Variants in ATP8B4 observed in about 807,000 individuals in gnomAD.
ATP8B4 encodes the protein ATPase phospholipid transporting 8B4 (putative).
A neutral mutation model predicts 145.6 loss-of-function variants in ATP8B4; 133 were observed. The ratio of observed to expected loss-of-function variants is 0.91; its 90% CI spans 0.79 to 1.05. The LOEUF (loss-of-function observed/expected upper bound fraction) is 1.05. Ranked by LOEUF, ATP8B4 falls within the 50% of genes least tolerant of loss-of-function variation. ATP8B4 has a pLI of 0.00. For synonymous variants in ATP8B4, 507 were observed against 492.9 expected (o/e 1.03, Z -0.38); for missense variants, 1,458 against 1,425.2 (o/e 1.02, Z -0.37).
intron 3 of ATP8B4, among the ~76,000 whole-genome samples, chr15:50,062,448 T>C (rs8036963): frequency 0.88 from 133,813 of 152,136 alleles, 59,167 homozygotes; most frequent in East Asian, 0.99. Context: ...CTTGTAGAAC[T>C]GAGCCAATTA....
chr15:50,127,825 A>G (rs1377986489), intron 1 of ATP8B4, among the ~76,000 whole-genome samples: 1 of 152,232 alleles, frequency 6.6e-6, no homozygotes, highest in Non-Finnish European at 1.5e-5. Flanking sequence ...AGGGAGAGGA[A>G]CAAACACCAG....
At chr15:49,950,534 T>C (rs553557395) in intron 14 of ATP8B4, among the ~76,000 whole-genome samples, 3 of 150,508 alleles carry the variant, frequency 2.0e-5, no homozygotes, top group Non-Finnish European at 4.4e-5. Flanking sequence ...ATTGTGTCTG[T>C]TTGATTCTTC....
chr15:49,969,406 G>T (rs1599511125), intron 13 of ATP8B4, among the ~76,000 whole-genome samples: 2 of 151,792 alleles, frequency 1.3e-5, no homozygotes, highest in Admixed American at 1.3e-4. Context: ...AAAGAGAGAA[G>T]AATCAAATAG....
intron 1 of ATP8B4, among the ~76,000 whole-genome samples, chr15:50,148,454 G>T (rs2044306580): frequency 6.6e-6 from 1 of 152,124 alleles, no homozygotes; most frequent in Non-Finnish European, 1.5e-5. Flanking sequence ...CCTTTAAAAG[G>T]GGATTAGGCC....
intron 23 of ATP8B4, among the ~76,000 whole-genome samples, chr15:49,889,774 C>T (rs1386715918): frequency 1.3e-5 from 2 of 152,234 alleles, no homozygotes; most frequent in Non-Finnish European, 2.9e-5. Context: ...AGAAACAGCA[C>T]ATGTCACTTC....
chr15:50,134,648 A>G (rs1433120275), intron 1 of ATP8B4, among the ~76,000 whole-genome samples: 4 of 152,242 alleles, frequency 2.6e-5, no homozygotes, highest in African/African-American at 9.6e-5. Context: ...ATCCTAGTAC[A>G]TGACAATAAT....
chr15:50,115,448 G>A (rs887693705), intron 1 of ATP8B4, among the ~76,000 whole-genome samples: 6 of 152,194 alleles, frequency 3.9e-5, no homozygotes, highest in Admixed American at 6.5e-5. Context: ...AGCCTGCTTT[G>A]CAGAGTCAGC....
At chr15:49,891,581 C>T (rs139516909) in intron 23 of ATP8B4, among the ~76,000 whole-genome samples, 9 of 152,262 alleles carry the variant, frequency 5.9e-5, no homozygotes, top group Non-Finnish European at 2.9e-5. Context: ...CCACCTTGGC[C>T]TCCCAAAGTG....
chr15:50,035,057 C>A (rs2050736284), intron 6 of ATP8B4, among the ~76,000 whole-genome samples: 1 of 152,102 alleles, frequency 6.6e-6, no homozygotes, highest in Non-Finnish European at 1.5e-5. Context: ...TTACCAAAAG[C>A]TAATACAACA....
intron 25 of ATP8B4, among the ~76,000 whole-genome samples, chr15:49,875,059 G>A (rs890939950): frequency 6.6e-6 from 1 of 152,080 alleles, no homozygotes; most frequent in South Asian, 2.1e-4. Flanking sequence ...AAAATTGTAG[G>A]GTTAATTGTG....
rs575659879 is a variant in ATP8B4 at position 49,866,504 on chromosome 15, C to T, written c.3028-20G>A. ...GGCTATCTGTAAATAAAATCAAATG[C>T]AAACGGGAGGTCTTTGAGGATTAAA... On this transcript the variant is annotated intron_variant, in intron 25 of 27. Transcript: ENST00000284509. 6.2e-7 allele frequency: 1 copy of T among 1,611,634 alleles called. No homozygotes were observed. Among genetic ancestry groups the T allele is most frequent in the South Asian group, 1.1e-5 (1 of 91,018 alleles).
intron 24 of ATP8B4, among the ~76,000 whole-genome samples, chr15:49,878,524 T>G (rs2034857448): frequency 6.6e-6 from 1 of 152,192 alleles, no homozygotes; most frequent in East Asian, 1.9e-4. Context: ...TAAAAATACT[T>G]TTTTAAAAAA....
At chr15:49,873,335 A>G (rs1039420424) in intron 25 of ATP8B4, among the ~76,000 whole-genome samples, 1 of 152,230 alleles carries the variant, frequency 6.6e-6, no homozygotes, top group Non-Finnish European at 1.5e-5. Flanking sequence ...ATTATGTACT[A>G]CATGAAACTT....
At chr15:50,073,019 T>TATATATACACAC (rs1455088682) in intron 3 of ATP8B4, among the ~76,000 whole-genome samples, 18 of 32,434 alleles carry the variant, frequency 5.5e-4, no homozygotes, top group South Asian at 1.4e-3. Flanking sequence ...TATATATATA[T>TATATATACACAC]ACACACACAC....
intron 1 of ATP8B4, among the ~76,000 whole-genome samples, chr15:50,180,953 A>C (rs902854471): frequency 7.2e-5 from 11 of 152,166 alleles, no homozygotes; most frequent in Non-Finnish European, 1.2e-4. Flanking sequence ...AAACCTAGAG[A>C]ATAGGAGGAC....
At chr15:50,117,512 AT>A (rs1182303657) in intron 1 of ATP8B4, among the ~76,000 whole-genome samples, 1 of 152,242 alleles carries the variant, frequency 6.6e-6, no homozygotes, top group Non-Finnish European at 1.5e-5. Flanking sequence ...CACAAAAAAA[AT>A]CATTTGTTCC....
chr15:49,965,259 A>G (rs2044421940), intron 13 of ATP8B4, among the ~76,000 whole-genome samples: 1 of 152,380 alleles, frequency 6.6e-6, no homozygotes, highest in Admixed American at 6.5e-5. Context: ...AGGAGATTGC[A>G]AACATCAACT....
chr15:50,124,584 C>A (rs183521206), intron 1 of ATP8B4, among the ~76,000 whole-genome samples: 1 of 151,278 alleles, frequency 6.6e-6, no homozygotes, highest in East Asian at 1.9e-4. Context: ...CACTACATTA[C>A]AATTAAGCTG....
At chr15:50,126,204 G>C (rs1378806649) in intron 1 of ATP8B4, among the ~76,000 whole-genome samples, 1 of 150,512 alleles carries the variant, frequency 6.6e-6, no homozygotes, top group East Asian at 2.0e-4. Context: ...AGATGAGTTA[G>C]GGAGGGTCTT....
Sources: allele counts gnomAD v4.1 joint callset (sites outside exome capture counted in the v4.1 genomes callset), GRCh38; gene constraint gnomAD v4.1.1; transcripts MANE v1.5; gene names NCBI Gene and HGNC (gene_info 2026-07-23, HGNC 2026-07-21).